Variants in LDLRAD4 observed in about 807,000 individuals in gnomAD.
The protein encoded by LDLRAD4 is low density lipoprotein receptor class A domain containing 4.
A neutral mutation model predicts 17.0 loss-of-function variants in LDLRAD4; 5 were observed. The observed-to-expected ratio is 0.29, with a 90% confidence interval of 0.15 to 0.62. The LOEUF (loss-of-function observed/expected upper bound fraction) is 0.62. Among genes scored for constraint, LDLRAD4 ranks in the 20% least tolerant of loss-of-function variants. LDLRAD4 has a pLI of 0.84. For synonymous variants in LDLRAD4, 168 were observed against 171.8 expected (o/e 0.98, Z 0.17); for missense variants, 340 against 424.7 (o/e 0.80, Z 1.75).
At chr18:13,409,426 A>G (rs2088109123) in intron 2 of LDLRAD4, among the ~76,000 whole-genome samples, 1 of 152,234 alleles carries the variant, frequency 6.6e-6, no homozygotes, top group Non-Finnish European at 1.5e-5. Flanking sequence ...CTGCCTATAG[A>G]TTATTAAATA....
chr18:13,402,380 T>C (rs62085681), intron 2 of LDLRAD4, among the ~76,000 whole-genome samples: 96 of 152,342 alleles, frequency 6.3e-4, no homozygotes, highest in Non-Finnish European at 1.1e-3. Context: ...GGTTCCCCAG[T>C]AGCTCAATCT....
At chr18:13,312,439 G>A (rs2047291056) in intron 1 of LDLRAD4, among the ~76,000 whole-genome samples, 1 of 152,142 alleles carries the variant, frequency 6.6e-6, no homozygotes, top group South Asian at 2.1e-4. Context: ...AGGACCACAG[G>A]AAGGCATCAT....
intron 1 of LDLRAD4, among the ~76,000 whole-genome samples, chr18:13,371,248 G>T (rs2084484840): frequency 6.6e-6 from 1 of 152,148 alleles, no homozygotes; most frequent in African/African-American, 2.4e-5. Flanking sequence ...GGCTGAGATG[G>T]GGGGGCCAGG....
intron 3 of LDLRAD4, among the ~76,000 whole-genome samples, chr18:13,463,348 C>T (rs946519848): frequency 6.6e-6 from 1 of 152,190 alleles, no homozygotes; most frequent in Non-Finnish European, 1.5e-5. Context: ...TGTGCAGCCC[C>T]CTGAGCCTGG....
chr18:13,543,319 C>T (rs1378801827), intron 3 of LDLRAD4: 3 of 152,186 alleles, frequency 2.0e-5, no homozygotes, highest in Non-Finnish European at 2.9e-5. Context: ...CTGCAGCCTT[C>T]TCCTGCCACG....
At chr18:13,313,344 A>G (rs1685255782) in intron 1 of LDLRAD4, among the ~76,000 whole-genome samples, 1 of 152,168 alleles carries the variant, frequency 6.6e-6, no homozygotes, top group Non-Finnish European at 1.5e-5. Flanking sequence ...CTCTGACTGC[A>G]AGAAACCAAT....
intron 3 of LDLRAD4, among the ~76,000 whole-genome samples, chr18:13,443,127 G>A (rs1241943674): frequency 6.6e-6 from 1 of 152,130 alleles, no homozygotes; most frequent in African/African-American, 2.4e-5. Flanking sequence ...TTTTCAGGAG[G>A]CAACTTTTTC....
At chr18:13,579,898 A>T (rs1207434709) in intron 3 of LDLRAD4, among the ~76,000 whole-genome samples, 1 of 152,124 alleles carries the variant, frequency 6.6e-6, no homozygotes, top group East Asian at 1.9e-4. Flanking sequence ...TTGCCCCTCT[A>T]CAGTGTCCCT....
At chr18:13,309,275 C>G (rs1473986051) in intron 1 of LDLRAD4, among the ~76,000 whole-genome samples, 1 of 152,162 alleles carries the variant, frequency 6.6e-6, no homozygotes, top group Non-Finnish European at 1.5e-5. Flanking sequence ...CTTAGAGTGC[C>G]ATTCTAGAGT....
intron 3 of LDLRAD4, among the ~76,000 whole-genome samples, chr18:13,590,085 G>A (rs1413445389): frequency 6.6e-6 from 1 of 151,150 alleles, no homozygotes; most frequent in Non-Finnish European, 1.5e-5. Flanking sequence ...GTGTGCATGT[G>A]TGGGTGTGAG....
chr18:13,572,722 T>C (rs1373019856), intron 3 of LDLRAD4, among the ~76,000 whole-genome samples: 1 of 152,228 alleles, frequency 6.6e-6, no homozygotes, highest in African/African-American at 2.4e-5. Context: ...GCTTCCGAAT[T>C]CTAGCAACCA....
At chr18:13,274,055 C>T (rs2044715591), upstream of LDLRAD4, among the ~76,000 whole-genome samples, 1 of 152,140 alleles carries the variant, frequency 6.6e-6, no homozygotes, top group African/African-American at 2.4e-5. Flanking sequence ...TCAGCCAGTG[C>T]CTTCTCTTCT....
chr18:13,638,408 C>T (rs1469038983), intron 4 of LDLRAD4, among the ~76,000 whole-genome samples: 1 of 152,244 alleles, frequency 6.6e-6, no homozygotes, highest in Non-Finnish European at 1.5e-5. Flanking sequence ...TAGCCTCCAT[C>T]TGTATAATAT....
chr18:13,548,662 A>T lies in LDLRAD4; in HGVS notation c.182-72455A>T, dbSNP rs138161067. On this transcript the variant is annotated intron_variant, in intron 3 of 5. Coordinates refer to ENST00000359446, the Ensembl canonical transcript of LDLRAD4. ...ACGGGGTGGTTTCTGGGCCTCCAAG[A>T]GTCCAGGGGTGCAGGGATGCCCATG... Among the ~76,000 whole-genome samples, 23 of 152,336 alleles carry T rather than the reference A, an allele frequency of 1.5e-4. No individual in the cohort carries two copies. The East Asian group carries it at 4.4e-3, about 29-fold the overall frequency.
chr18:13,229,491 G>T (rs895960382), intron 1 of LDLRAD4, among the ~76,000 whole-genome samples: 5 of 152,196 alleles, frequency 3.3e-5, no homozygotes, highest in Admixed American at 3.3e-4. Context: ...TGAGACATCT[G>T]CCCTGCACTG....
intron 3 of LDLRAD4, chr18:13,520,952 A>C (rs992747790): frequency 1.1e-4 from 17 of 152,072 alleles, no homozygotes; most frequent in African/African-American, 4.1e-4. Flanking sequence ...ATACATCCCC[A>C]CCCTCGGCAC....
chr18:13,228,644 C>T (rs1239207653), intron 1 of LDLRAD4, among the ~76,000 whole-genome samples: 1 of 152,148 alleles, frequency 6.6e-6, no homozygotes, highest in South Asian at 2.1e-4. Context: ...AGGCACAAGG[C>T]TGGAGTTTGA....
At chr18:13,353,876 C>T (rs2083185898) in intron 1 of LDLRAD4, among the ~76,000 whole-genome samples, 2 of 152,218 alleles carry the variant, frequency 1.3e-5, no homozygotes, top group Admixed American at 1.3e-4. Flanking sequence ...TGTTTTCCAG[C>T]TCTTTTATAA....
chr18:13,329,076 T>C (rs762116742), intron 1 of LDLRAD4, among the ~76,000 whole-genome samples: 1 of 152,240 alleles, frequency 6.6e-6, no homozygotes, highest in Non-Finnish European at 1.5e-5. Context: ...TTTTTAACCC[T>C]GTGTTGTATA....
Sources: allele counts gnomAD v4.1 joint callset (sites outside exome capture counted in the v4.1 genomes callset), GRCh38; gene constraint gnomAD v4.1.1; transcripts MANE v1.5; gene names NCBI Gene and HGNC (gene_info 2026-07-23, HGNC 2026-07-21).